RIMS2: variants seen among roughly 807,000 people sequenced by gnomAD.
RIMS2 encodes regulating synaptic membrane exocytosis 2, also known as regulating synaptic membrane exocytosis protein 2.
A neutral mutation model predicts 174.4 loss-of-function variants in RIMS2; 59 were observed. That is an observed-to-expected ratio of 0.34 (90% CI 0.27 to 0.42). The LOEUF (loss-of-function observed/expected upper bound fraction) is 0.42, where lower values mean the gene tolerates loss of function less well. Ranked by LOEUF, RIMS2 falls within the 10% of genes least tolerant of loss-of-function variation. The pLI, the probability that RIMS2 is intolerant of heterozygous loss-of-function variation, is 1.00. For synonymous variants in RIMS2, 606 were observed against 572.5 expected, an observed-to-expected ratio of 1.06 and a Z score of -0.84; for missense variants, 1,620 against 1,666.3, an observed-to-expected ratio of 0.97 and a Z score of 0.48.
intron 19 of RIMS2, among the ~76,000 whole-genome samples, chr8:104,101,645 CCTTT>C (rs2097904840): frequency 1.3e-5 from 2 of 152,050 alleles, no homozygotes; most frequent in South Asian, 4.2e-4. Context: ...CATATAGTTA[CCTTT>C]CTTTCTTTTA....
At chr8:103,815,226 T>C (rs2098711558) in intron 3 of RIMS2, among the ~76,000 whole-genome samples, 1 of 152,224 alleles carries the variant, frequency 6.6e-6, no homozygotes, top group African/African-American at 2.4e-5. Flanking sequence ...GTTGTACCAA[T>C]GTACACTCCT....
intron 3 of RIMS2, among the ~76,000 whole-genome samples, chr8:103,810,281 A>T (rs1190232750): frequency 6.6e-6 from 1 of 152,160 alleles, no homozygotes; most frequent in Admixed American, 6.5e-5. Context: ...CTCCTGGGCT[A>T]TGCTGACAAG....
intron 4 of RIMS2, among the ~76,000 whole-genome samples, chr8:103,886,584 C>A (rs2099203275): frequency 6.6e-6 from 1 of 151,824 alleles, no homozygotes; most frequent in Non-Finnish European, 1.5e-5. Flanking sequence ...TATAAAACAT[C>A]TGAAAAAGTC....
At chr8:104,068,078 C>T (rs1473627884) in intron 19 of RIMS2, among the ~76,000 whole-genome samples, 1 of 152,134 alleles carries the variant, frequency 6.6e-6, no homozygotes, top group African/African-American at 2.4e-5. Flanking sequence ...TTTATGATAA[C>T]AGTTTCTAAA....
rs190523742 is a variant in RIMS2, at chr8:103,841,765, G to A, written c.699-43533G>A. ...AAATAGCTTTACATCGACCAGCCTG[G>A]CCAACATGACGAAACTCTGTCTCTA... is the stretch of plus-strand genomic sequence containing the variant. On this transcript the variant is annotated intron_variant, in intron 3 of 23. Transcript: ENST00000504942. Among the ~76,000 whole-genome samples, 260 of 152,070 alleles carry A rather than the reference G, an allele frequency of 1.7e-3. 2 individuals carry two copies. The highest frequency in any genetic ancestry group is 5.8e-3 in the African/African-American group (241 of 41,480).
rs143741604 is a variant in RIMS2, at chr8:103,983,234, A to G, written c.2928-6071A>G. On this transcript the variant is annotated intron_variant, in intron 16 of 23. Transcript: ENST00000504942. ...ATGAAAACTATAAAACATTGGCGCA[A>G]GAAATTGAAGATGGCACACACAAAA... 1.1e-3 allele frequency among the ~76,000 whole-genome samples: 161 copies of G among 152,340 alleles called. 1 individual carries two copies. The highest frequency in any genetic ancestry group is 4.0e-4 in the Non-Finnish European group (27 of 68,028).
At chr8:103,601,588 A>G (rs762620890) in intron 1 of RIMS2, among the ~76,000 whole-genome samples, 35 of 152,104 alleles carry the variant, frequency 2.3e-4, no homozygotes, top group Middle Eastern at 3.4e-3. Context: ...CTTGTAGGCA[A>G]CAGATCATGG....
intron 2 of RIMS2, among the ~76,000 whole-genome samples, chr8:103,749,421 T>C (rs1461232185): frequency 6.6e-6 from 1 of 152,162 alleles, no homozygotes; most frequent in African/African-American, 2.4e-5. Context: ...CACTTTCTAT[T>C]TTAAGAAAAA....
chr8:104,034,650 A>G (rs971647494), intron 19 of RIMS2, among the ~76,000 whole-genome samples: 15 of 151,612 alleles, frequency 9.9e-5, no homozygotes, highest in African/African-American at 3.4e-4. Flanking sequence ...TTGTATTTTT[A>G]GTAGAGACGG....
chr8:103,882,590 T>G (rs1050560908), intron 3 of RIMS2, among the ~76,000 whole-genome samples: 8 of 151,582 alleles, frequency 5.3e-5, no homozygotes, highest in African/African-American at 1.9e-4. Flanking sequence ...ATTTTTATAG[T>G]GGTTATAATC....
chr8:103,641,448 T>A (rs1050022988), intron 1 of RIMS2, among the ~76,000 whole-genome samples: 1 of 152,166 alleles, frequency 6.6e-6, no homozygotes, highest in Non-Finnish European at 1.5e-5. Flanking sequence ...ACTGTACTGA[T>A]CTATCAAACA....
chr8:103,861,963 T>G (rs2099061225), intron 3 of RIMS2, among the ~76,000 whole-genome samples: 1 of 152,178 alleles, frequency 6.6e-6, no homozygotes, highest in Non-Finnish European at 1.5e-5. Flanking sequence ...TTTCTTTTGC[T>G]GTGCAGCAGC....
intron 10 of RIMS2, among the ~76,000 whole-genome samples, chr8:103,923,632 C>G (rs1305101944): frequency 6.6e-6 from 1 of 151,712 alleles, no homozygotes; most frequent in Non-Finnish European, 1.5e-5. Flanking sequence ...AAAATGTGTA[C>G]TATTTTCTCC....
chr8:104,245,040 C>T, exon 20 of RIMS2: 1 of 1,613,796 alleles, frequency 6.2e-7, no homozygotes, highest in Non-Finnish European at 8.5e-7. Context: ...GCATGAACAG[C>T]TACAGCTCAG....
At chr8:103,886,267 G>A (rs759604227) in intron 4 of RIMS2, 44 bp downstream of exon 7, 20 of 1,512,072 alleles carry the variant, frequency 1.3e-5, no homozygotes, top group Non-Finnish European at 1.8e-5. Context: ...GATTAGATAA[G>A]CGTTTTTTTT....
At chr8:103,711,162 A>G (rs533554410) in intron 2 of RIMS2, among the ~76,000 whole-genome samples, 1 of 152,236 alleles carries the variant, frequency 6.6e-6, no homozygotes, top group Non-Finnish European at 1.5e-5. Context: ...TTCAAAAGAA[A>G]GGTACATTCC....
intron 19 of RIMS2, among the ~76,000 whole-genome samples, chr8:104,121,675 A>G (rs2098376700): frequency 6.6e-6 from 1 of 152,172 alleles, no homozygotes; most frequent in Non-Finnish European, 1.5e-5. Flanking sequence ...TTTTAATAAA[A>G]TAATGGCTGA....
intron 3 of RIMS2, among the ~76,000 whole-genome samples, chr8:103,790,485 C>A (rs376658454): frequency 1.3e-5 from 2 of 152,060 alleles, no homozygotes; most frequent in Non-Finnish European, 2.9e-5. Flanking sequence ...TACCACATTT[C>A]TTTTATTCAT....
chr8:103,944,347 A>G (rs889022555), intron 14 of RIMS2, among the ~76,000 whole-genome samples: 3 of 152,080 alleles, frequency 2.0e-5, no homozygotes, highest in African/African-American at 7.2e-5. Context: ...TTCTCTCTGA[A>G]TTACAGTGTA....
Sources: allele counts gnomAD v4.1 joint callset (sites outside exome capture counted in the v4.1 genomes callset), GRCh38; gene constraint gnomAD v4.1.1; transcripts MANE v1.5; gene names NCBI Gene and HGNC (gene_info 2026-07-23, HGNC 2026-07-21).